KCNH7: variants seen among roughly 807,000 people sequenced by gnomAD.
KCNH7 encodes potassium voltage-gated channel subfamily H member 7, also known as voltage-gated inwardly rectifying potassium channel KCNH7.
Under a neutral mutation model 120.8 loss-of-function variants are expected in KCNH7, and 49 were observed. The observed-to-expected ratio is 0.41, with a 90% CI of 0.32 to 0.51. The LOEUF (loss-of-function observed/expected upper bound fraction) is 0.51. Ranked by LOEUF, KCNH7 falls within the 20% of genes least tolerant of loss-of-function variation. KCNH7 has a pLI of 0.38. For missense variants in KCNH7, 1,097 were observed against 1,446.6 expected (o/e 0.76, Z 3.92); for synonymous variants, 547 against 516.1 (o/e 1.06, Z -0.81).
chr2:162,678,985 C>T (rs1685620049), intron 2 of KCNH7, among the ~76,000 whole-genome samples: 1 of 151,524 alleles, frequency 6.6e-6, no homozygotes, highest in African/African-American at 2.4e-5. Flanking sequence ...ATATTTGAAT[C>T]CAGGAGATTT....
chr2:162,683,330 CTT>C (rs1370217110), intron 2 of KCNH7, among the ~76,000 whole-genome samples: 1 of 151,758 alleles, frequency 6.6e-6, no homozygotes, highest in African/African-American at 2.4e-5. Context: ...TTAAAATTAA[CTT>C]AATATATTTA....
intron 2 of KCNH7, among the ~76,000 whole-genome samples, chr2:162,592,058 G>A (rs1211518173): frequency 1.3e-5 from 2 of 152,078 alleles, no homozygotes; most frequent in African/African-American, 2.4e-5. Flanking sequence ...GACCGGAAAA[G>A]CGAGAAGGGG....
chr2:162,593,324 T>C (rs1050121618), intron 2 of KCNH7, among the ~76,000 whole-genome samples: 2 of 152,018 alleles, frequency 1.3e-5, no homozygotes, highest in African/African-American at 2.4e-5. Context: ...GATAATAATA[T>C]AGGCAGACAG....
intron 2 of KCNH7, among the ~76,000 whole-genome samples, chr2:162,559,796 T>C (rs1268927828): frequency 6.6e-6 from 1 of 152,216 alleles, no homozygotes; most frequent in Non-Finnish European, 1.5e-5. Context: ...GTTGTATCTA[T>C]GTGAACACTG....
At chr2:162,808,874 A>T (rs895451258) in intron 2 of KCNH7, among the ~76,000 whole-genome samples, 2 of 152,212 alleles carry the variant, frequency 1.3e-5, no homozygotes, top group African/African-American at 4.8e-5. Context: ...CAAAACAGTC[A>T]GCTGCTGCTG....
At chr2:162,670,489 A>AG (rs1404180337) in intron 2 of KCNH7, among the ~76,000 whole-genome samples, 2 of 151,084 alleles carry the variant, frequency 1.3e-5, no homozygotes, top group Admixed American at 1.3e-4. Context: ...AAAAAAAAAA[A>AG]AAAGAAAAAT....
intron 6 of KCNH7, among the ~76,000 whole-genome samples, chr2:162,470,179 T>C (rs1330918971): frequency 1.3e-5 from 2 of 151,430 alleles, no homozygotes; most frequent in East Asian, 2.0e-4. Flanking sequence ...TCGTCTGGGA[T>C]GTGAGGAGCC....
In KCNH7 at chr2:162,469,568, A is replaced by G. The variant is rs564194787; in HGVS notation, c.1129-23125T>C. On this transcript the variant is annotated intron_variant, in intron 6 of 15. Transcript: ENST00000332142. Reference sequence around the variant, plus strand: ...AGTTGGAAATGATATGCTTTTTAGAAGAGTACGTTCCACTATCAAAGCCCG... The same window carrying G: ...AGTTGGAAATGATATGCTTTTTAGAGGAGTACGTTCCACTATCAAAGCCCG... Among the ~76,000 whole-genome samples the G allele has an allele frequency of 5.9e-5, 9 of 152,314 alleles. No homozygotes were observed. The East Asian group carries it at 1.5e-3, about 26-fold the overall frequency.
At chr2:162,723,674 CT>C (rs1687411013) in intron 2 of KCNH7, among the ~76,000 whole-genome samples, 1 of 152,012 alleles carries the variant, frequency 6.6e-6, no homozygotes, top group Non-Finnish European at 1.5e-5. Flanking sequence ...ACTTCAGTTT[CT>C]TTTTTTGTAC....
chr2:162,605,472 C>T (rs1682716646), intron 2 of KCNH7, among the ~76,000 whole-genome samples: 2 of 152,042 alleles, frequency 1.3e-5, no homozygotes, highest in Non-Finnish European at 2.9e-5. Context: ...CTTGTTTTAG[C>T]AGCTATCAGA....
intron 2 of KCNH7, among the ~76,000 whole-genome samples, chr2:162,790,021 G>C (rs1227362313): frequency 6.7e-6 from 1 of 149,874 alleles, no homozygotes; most frequent in Non-Finnish European, 1.5e-5. Context: ...AAAGACTAGA[G>C]AACAATAGAT....
intron 2 of KCNH7, among the ~76,000 whole-genome samples, chr2:162,666,607 A>T (rs760598849): frequency 2.6e-5 from 4 of 152,064 alleles, no homozygotes; most frequent in Non-Finnish European, 4.4e-5. Context: ...CTGTAGCTAC[A>T]ATAAGTGTTT....
chr2:162,644,006 G>C (rs1684261693), intron 2 of KCNH7, among the ~76,000 whole-genome samples: 1 of 151,898 alleles, frequency 6.6e-6, no homozygotes, highest in African/African-American at 2.4e-5. Flanking sequence ...TATGGGCTTG[G>C]AGTCACCACC....
chr2:162,564,227 T>C (rs963854870), intron 2 of KCNH7, among the ~76,000 whole-genome samples: 1 of 152,116 alleles, frequency 6.6e-6, no homozygotes, highest in Admixed American at 6.6e-5. Flanking sequence ...AAAAATCTCC[T>C]GCTAGAATCC....
intron 2 of KCNH7, among the ~76,000 whole-genome samples, chr2:162,722,930 A>G (rs1280935672): frequency 6.7e-6 from 1 of 148,370 alleles, no homozygotes; most frequent in African/African-American, 2.5e-5. Flanking sequence ...GAATGTTTCA[A>G]TTCAGTTATT....
At chr2:162,779,568 C>T (rs1379984788) in intron 2 of KCNH7, among the ~76,000 whole-genome samples, 9 of 152,156 alleles carry the variant, frequency 5.9e-5, no homozygotes, top group African/African-American at 2.2e-4. Flanking sequence ...CCTGTAAGAG[C>T]TAAGTTGTTA....
At chr2:162,588,167 C>T (rs552986066) in intron 2 of KCNH7, among the ~76,000 whole-genome samples, 22 of 152,086 alleles carry the variant, frequency 1.4e-4, no homozygotes, top group African/African-American at 2.4e-4. Flanking sequence ...ACAATGATGA[C>T]GCCACTACTG....
intron 2 of KCNH7, among the ~76,000 whole-genome samples, chr2:162,656,312 A>G (rs1159254990): frequency 1.3e-5 from 2 of 152,206 alleles, no homozygotes; most frequent in African/African-American, 4.8e-5. Flanking sequence ...TATAGATCAT[A>G]AAGTCTGTAA....
chr2:162,584,376 G>A (rs1040171650), intron 2 of KCNH7, among the ~76,000 whole-genome samples: 4 of 152,024 alleles, frequency 2.6e-5, no homozygotes, highest in African/African-American at 7.2e-5. Context: ...TAATCCCCAA[G>A]AATATGTCCT....
Sources: allele counts gnomAD v4.1 joint callset (sites outside exome capture counted in the v4.1 genomes callset), GRCh38; gene constraint gnomAD v4.1.1; transcripts MANE v1.5; gene names NCBI Gene and HGNC (gene_info 2026-07-23, HGNC 2026-07-21).